Variants in CYB5A observed in about 807,000 individuals in gnomAD.
CYB5A encodes cytochrome b5 type A, also known as cytochrome b5.
In CYB5A, 10 loss-of-function variants were observed where a neutral mutation model predicts 16.2. That is an observed-to-expected ratio of 0.62 (90% confidence interval 0.38 to 1.04). The LOEUF is 1.04. Among genes scored for constraint, CYB5A ranks in the 50% least tolerant of loss-of-function variants. CYB5A has a pLI of 0.01. For synonymous variants in CYB5A, 62 were observed against 57.0 expected (o/e 1.09, Z -0.40); for missense variants, 161 against 165.9 (o/e 0.97, Z 0.16).
At chr18:74,272,379 C>T (rs1982701969) in intron 1 of CYB5A, among the ~76,000 whole-genome samples, 1 of 152,224 alleles carries the variant, frequency 6.6e-6, no homozygotes, top group South Asian at 2.1e-4. Context: ...TTCCTTTGTT[C>T]AGGTGTGCTC....
chr18:74,280,917 G>T (rs548878143), intron 1 of CYB5A, among the ~76,000 whole-genome samples: 13 of 152,258 alleles, frequency 8.5e-5, no homozygotes, highest in African/African-American at 2.9e-4. Context: ...CCCTTGAAGG[G>T]TTTAAACAGA....
Position 74,252,711 on chromosome 18 carries a change from C to CT in CYB5A, c.*872dup, listed in dbSNP as rs61233550. 0.055 allele frequency: 8,157 copies of CT among 149,378 alleles called. 513 individuals carry two copies. Among genetic ancestry groups the CT allele is most frequent in the East Asian group, 0.19 (969 of 5,112 alleles). 9.3% of individuals were successfully genotyped at this position (149,378 alleles called of 1,614,324 possible). ...TCTTATAGGCCCTGTAGGCTACTTT[C>CT]TTTTTTTTTTGAGACAGAGTTTCAC... On this transcript the variant is annotated 3_prime_UTR_variant, in exon 5 of 5. Transcript: ENST00000340533.
chr18:74,265,535 T>C (rs1982399871), intron 1 of CYB5A, among the ~76,000 whole-genome samples: 1 of 152,268 alleles, frequency 6.6e-6, no homozygotes, highest in Non-Finnish European at 1.5e-5. Flanking sequence ...TCAGTAACTA[T>C]TACCCAGCAT....
intron 1 of CYB5A, among the ~76,000 whole-genome samples, chr18:74,270,113 T>G (rs186122084): frequency 1.3e-5 from 2 of 152,090 alleles, no homozygotes; most frequent in Admixed American, 1.3e-4. Flanking sequence ...GCCCTCAAGC[T>G]GGCCACACTC....
intron 2 of CYB5A, among the ~76,000 whole-genome samples, chr18:74,262,513 T>C (rs1206033078): frequency 6.6e-6 from 1 of 151,506 alleles, no homozygotes; most frequent in Non-Finnish European, 1.5e-5. Flanking sequence ...CAAAAGTTGG[T>C]CAATGAATTG....
intron 1 of CYB5A, chr18:74,290,969 C>T (rs1296101720): frequency 6.5e-6 from 1 of 153,948 alleles, no homozygotes; most frequent in African/African-American, 2.4e-5. Context: ...CAGCCACACA[C>T]CGCGGTCTCA....
intron 1 of CYB5A, among the ~76,000 whole-genome samples, chr18:74,277,685 G>A (rs950590843): frequency 6.6e-6 from 1 of 152,216 alleles, no homozygotes; most frequent in African/African-American, 2.4e-5. Context: ...AAAAGGCCCA[G>A]GAGGGGTCAC....
rs1981780027 is a variant in CYB5A at position 74,251,674 on chromosome 18, A to C, written c.*1910T>G. 6.6e-6 allele frequency: 1 copy of C among 152,214 alleles called. No individual in the cohort carries two copies. Among genetic ancestry groups the C allele is most frequent in the African/African-American group, 2.4e-5 (1 of 41,450 alleles). The allele number at this position is 152,214 out of a possible 1,614,324, so 9.4% of individuals were successfully genotyped here. ...CACCTCTCTGAAGGGAAAGCAATAG[A>C]GAAAAAAGTGTCAAATATCTTTCCT... On this transcript the variant is annotated 3_prime_UTR_variant, in exon 5 of 5. Coordinates refer to ENST00000340533, the MANE Select transcript of CYB5A (RefSeq NM_148923.4).
chr18:74,277,376 A>G (rs1982921241), intron 1 of CYB5A, among the ~76,000 whole-genome samples: 1 of 152,186 alleles, frequency 6.6e-6, no homozygotes, highest in Admixed American at 6.5e-5. Flanking sequence ...GTATCCCCAT[A>G]AGCCTTGATG....
At chr18:74,275,919 C>T (rs1017669948) in intron 1 of CYB5A, among the ~76,000 whole-genome samples, 4 of 152,164 alleles carry the variant, frequency 2.6e-5, no homozygotes, top group African/African-American at 4.8e-5. Flanking sequence ...AGGGAGGACC[C>T]GGCGGTGCGC....
intron 1 of CYB5A, among the ~76,000 whole-genome samples, chr18:74,286,270 C>T (rs918774009): frequency 1.3e-5 from 2 of 152,198 alleles, no homozygotes; most frequent in Non-Finnish European, 2.9e-5. Context: ...TTTCCCCTTA[C>T]ACAATAAAGT....
chr18:74,264,696 C>T (rs1405965124), intron 1 of CYB5A, among the ~76,000 whole-genome samples: 1 of 152,182 alleles, frequency 6.6e-6, no homozygotes, highest in African/African-American at 2.4e-5. Flanking sequence ...GGGTTCAACT[C>T]CACACTGGGG....
At chr18:74,280,475 G>A (rs945685973) in intron 1 of CYB5A, among the ~76,000 whole-genome samples, 5 of 151,826 alleles carry the variant, frequency 3.3e-5, no homozygotes, top group African/African-American at 9.7e-5. Flanking sequence ...CTACTTGGGA[G>A]GCTGAGGTTG....
At chr18:74,255,135 G>A (rs1455715444) in intron 4 of CYB5A, among the ~76,000 whole-genome samples, 3 of 152,182 alleles carry the variant, frequency 2.0e-5, no homozygotes, top group African/African-American at 7.2e-5. Flanking sequence ...AACGGACTGA[G>A]GCAGTTAAAT....
intron 1 of CYB5A, among the ~76,000 whole-genome samples, chr18:74,289,181 A>C (rs1983434400): frequency 6.6e-6 from 1 of 152,194 alleles, no homozygotes; most frequent in African/African-American, 2.4e-5. Flanking sequence ...AAAAACTTTG[A>C]GTAAGAAAAA....
rs190437630 is a variant in CYB5A, at chr18:74,260,749, G to A, written c.288+166C>T. 7.3e-4 allele frequency: 511 copies of A among 696,654 alleles called. 3 individuals carry two copies. Among genetic ancestry groups the A allele is most frequent in the African/African-American group, 7.3e-3 (412 of 56,810 alleles). The allele number at this position is 696,654 out of a possible 1,614,324, so 43.2% of individuals were successfully genotyped here. The stretch of plus-strand genomic sequence containing the variant: ...CCATCCTAACAAATCATACTGACAG[G>A]TTTCCGTAAATAAAAAATACTTGCT... On this transcript the variant is annotated intron_variant, in intron 3 of 4. Coordinates refer to ENST00000340533, the MANE Select transcript of CYB5A (RefSeq NM_148923.4).
chr18:74,259,924 T>G (rs1178243875), intron 3 of CYB5A: 1 of 140,420 alleles, frequency 7.1e-6, no homozygotes, highest in Non-Finnish European at 1.6e-5. Context: ...AACTTAAGTC[T>G]TTCTTGAATA....
At chr18:74,264,962 A>G (rs1000036873) in intron 1 of CYB5A, among the ~76,000 whole-genome samples, 2 of 152,080 alleles carry the variant, frequency 1.3e-5, no homozygotes, top group African/African-American at 4.8e-5. Context: ...GAAAAAAAAA[A>G]ACTTCTTTAA....
chr18:74,290,182 T>C (rs1201755043), intron 1 of CYB5A, among the ~76,000 whole-genome samples: 1 of 152,162 alleles, frequency 6.6e-6, no homozygotes, highest in Non-Finnish European at 1.5e-5. Flanking sequence ...TGACTTTATC[T>C]TCGGGCACTG....
Sources: allele counts gnomAD v4.1 joint callset (sites outside exome capture counted in the v4.1 genomes callset), GRCh38; gene constraint gnomAD v4.1.1; transcripts MANE v1.5; gene names NCBI Gene and HGNC (gene_info 2026-07-23, HGNC 2026-07-21).